Variants in SLCO4C1 observed in about 807,000 individuals in gnomAD.
The protein encoded by SLCO4C1 is solute carrier organic anion transporter family member 4C1.
Under a neutral mutation model 72.1 loss-of-function variants are expected in SLCO4C1, and 58 were observed. That is an observed-to-expected ratio of 0.80 (90% CI 0.65 to 1.00). The LOEUF is 1.00. Among genes scored for constraint, SLCO4C1 ranks in the 50% least tolerant of loss-of-function variants. SLCO4C1 has a pLI of 0.00. For missense variants in SLCO4C1, 898 were observed against 857.9 expected (o/e 1.05, Z -0.58); for synonymous variants, 297 against 312.5 (o/e 0.95, Z 0.52).
rs374382637 is a variant in SLCO4C1 at position 102,263,794 on chromosome 5, A to G, written c.803-14T>C. ...CATAACCGGTTCCTAGAAGAAGAACAGAGACATTGAATACAGTCATATGTA... is the reference window on the plus strand; with the variant it reads ...CATAACCGGTTCCTAGAAGAAGAACGGAGACATTGAATACAGTCATATGTA... On this transcript the variant is annotated splice_polypyrimidine_tract_variant and intron_variant, in intron 3 of 12. Transcript: ENST00000310954. 1.9e-5 allele frequency: 31 copies of G among 1,595,726 alleles called. No homozygotes were observed. In the African/African-American group the frequency reaches 3.6e-4, roughly 19 times the overall value.
At position 102,257,313 on chromosome 5, in the gene SLCO4C1, A is replaced by G. The variant is rs1393163047; in HGVS notation, c.1274-3T>C. On this transcript the variant is annotated splice_region_variant and splice_polypyrimidine_tract_variant and intron_variant, in intron 7 of 12. Transcript: ENST00000310954. Reference sequence around the variant, plus strand: ...AGCTCCAGGAATTAAAACAGCCCCTAATAAGAAAAAAGAATGTAGATTGTG... The same window carrying G: ...AGCTCCAGGAATTAAAACAGCCCCTGATAAGAAAAAAGAATGTAGATTGTG... 1.3e-6 allele frequency: 2 copies of G among 1,579,114 alleles called. No homozygotes were observed.
chr5:102,250,615 G>A (rs1296369468), intron 8 of SLCO4C1, among the ~76,000 whole-genome samples: 1 of 152,136 alleles, frequency 6.6e-6, no homozygotes, highest in East Asian at 1.9e-4. Context: ...CCTTTTAGAA[G>A]CACCAAGGAA....
intron 2 of SLCO4C1, among the ~76,000 whole-genome samples, chr5:102,279,531 TAGAGGAGGA>T (rs1749314116): frequency 1.3e-5 from 2 of 151,860 alleles, no homozygotes; most frequent in African/African-American, 4.8e-5. Flanking sequence ...CAGAAAATAG[TAGAGGAGGA>T]ACATTTCTCA....
intron 2 of SLCO4C1, among the ~76,000 whole-genome samples, chr5:102,286,743 C>T (rs1434281225): frequency 6.6e-6 from 1 of 152,004 alleles, no homozygotes; most frequent in African/African-American, 2.4e-5. Context: ...TTTCTAAAAG[C>T]TTCCCTTAAA....
In SLCO4C1 at chr5:102,249,630, T is replaced by C; in HGVS notation, c.1620+8A>G. 6.2e-7 allele frequency: 1 copy of C among 1,613,476 alleles called. No homozygotes were observed. Among genetic ancestry groups the C allele is most frequent in the Non-Finnish European group, 8.5e-7 (1 of 1,179,772 alleles). Reference sequence around the variant, plus strand: ...CTCATTAAGGGAAAAGTAGGAGACATAAGCTACCTTTGGCTTCCTGTGTGC... The same window carrying C: ...CTCATTAAGGGAAAAGTAGGAGACACAAGCTACCTTTGGCTTCCTGTGTGC... On this transcript the variant is annotated splice_region_variant and intron_variant, in intron 9 of 12. Coordinates refer to ENST00000310954, the MANE Select transcript of SLCO4C1 (RefSeq NM_180991.5).
intron 12 of SLCO4C1, among the ~76,000 whole-genome samples, chr5:102,237,596 A>G (rs1248223443): frequency 2.0e-5 from 3 of 152,176 alleles, no homozygotes; most frequent in Admixed American, 2.0e-4. Flanking sequence ...TGGGTGACAG[A>G]CAGAAACCCC....
At position 102,234,878 on chromosome 5, in the gene SLCO4C1, A is replaced by G. The variant is rs1228110418; in HGVS notation, c.*1980T>C. ...TGGCTTGGTGGGAGGAAGATTGTCA[A>G]TTGAGGTATCATGTGTGTTCACCTG... On this transcript the variant is annotated 3_prime_UTR_variant, in exon 13 of 13. Coordinates refer to ENST00000310954, the MANE Select transcript of SLCO4C1 (RefSeq NM_180991.5). 1 of 152,204 alleles carries G rather than the reference A, an allele frequency of 6.6e-6. No homozygotes were observed. The highest frequency in any genetic ancestry group is 1.5e-5 in the Non-Finnish European group (1 of 68,034). 9.4% of individuals were successfully genotyped at this position (152,204 alleles called of 1,614,324 possible).
At chr5:102,290,360 C>A (rs544906762) in intron 2 of SLCO4C1, among the ~76,000 whole-genome samples, 1 of 152,310 alleles carries the variant, frequency 6.6e-6, no homozygotes, top group East Asian at 1.9e-4. Flanking sequence ...CTCTCTTTAA[C>A]AAACAGTTTT....
At chr5:102,237,267 T>C (rs1193275744) in intron 12 of SLCO4C1, among the ~76,000 whole-genome samples, 2 of 152,142 alleles carry the variant, frequency 1.3e-5, no homozygotes, top group African/African-American at 4.8e-5. Context: ...TGGTTATGCT[T>C]GTGCATTCTT....
chr5:102,269,443 G>C (rs1162399301), intron 3 of SLCO4C1, among the ~76,000 whole-genome samples: 3 of 151,812 alleles, frequency 2.0e-5, no homozygotes, highest in Non-Finnish European at 4.4e-5. Flanking sequence ...GTTTGATCTA[G>C]TCTATTGTTA....
chr5:102,279,455 T>C (rs1051617032), intron 2 of SLCO4C1, among the ~76,000 whole-genome samples: 5 of 151,956 alleles, frequency 3.3e-5, no homozygotes, highest in African/African-American at 1.2e-4. Context: ...AACAGAAATC[T>C]ATAGGCTCAA....
At chr5:102,244,154 C>A (rs1748596553) in intron 10 of SLCO4C1, among the ~76,000 whole-genome samples, 1 of 152,072 alleles carries the variant, frequency 6.6e-6, no homozygotes, top group Non-Finnish European at 1.5e-5. Flanking sequence ...GGCCACTGCT[C>A]TCCAGCCTGG....
chr5:102,261,889 G>T, intron 5 of SLCO4C1, 23 bp downstream of exon 5: 1 of 1,598,888 alleles, frequency 6.3e-7, no homozygotes. Context: ...AAACCTCTCT[G>T]GTTTTAAAGA....
intron 1 of SLCO4C1, among the ~76,000 whole-genome samples, chr5:102,295,639 G>A (rs3114661): frequency 0.35 from 52,809 of 152,170 alleles, 9,444 homozygotes; most frequent in East Asian, 0.54. Context: ...TCTTGAATCC[G>A]CTAAACTGAG....
At chr5:102,260,347 A>AGT in intron 5 of SLCO4C1, 28 bp from the exon 6 acceptor site, 1 of 315,502 alleles carries the variant, frequency 3.2e-6, no homozygotes, top group Non-Finnish European at 5.0e-6. Flanking sequence ...ATATATATAT[A>AGT]ATATATATAT....
intron 8 of SLCO4C1, 125 bp downstream of exon 8, chr5:102,256,990 C>T: frequency 1.5e-6 from 1 of 651,392 alleles, no homozygotes; most frequent in Non-Finnish European, 2.4e-6. Flanking sequence ...CATGTTCTTA[C>T]ATAGGAAAAA....
At chr5:102,287,434 T>C (rs983151632) in intron 2 of SLCO4C1, among the ~76,000 whole-genome samples, 1 of 151,532 alleles carries the variant, frequency 6.6e-6, no homozygotes, top group African/African-American at 2.4e-5. Flanking sequence ...AAACAAACCA[T>C]AAAAATTAGG....
chr5:102,254,850 G>A (rs560616895), intron 8 of SLCO4C1, among the ~76,000 whole-genome samples: 62 of 152,194 alleles, frequency 4.1e-4, no homozygotes, highest in African/African-American at 1.5e-3. Flanking sequence ...TGCAATATAT[G>A]CTTTATTTTG....
chr5:102,293,780 G>T (rs1390430999), intron 1 of SLCO4C1, among the ~76,000 whole-genome samples: 1 of 152,046 alleles, frequency 6.6e-6, no homozygotes, highest in Admixed American at 6.5e-5. Context: ...CTGTCACCAG[G>T]CTGGAGTGCA....
Sources: allele counts gnomAD v4.1 joint callset (sites outside exome capture counted in the v4.1 genomes callset), GRCh38; gene constraint gnomAD v4.1.1; transcripts MANE v1.5; gene names NCBI Gene and HGNC (gene_info 2026-07-23, HGNC 2026-07-21).